Variants in TRA2A observed in about 807,000 individuals in gnomAD.
TRA2A encodes the protein transformer 2 alpha homolog, also known as transformer-2 protein homolog alpha.
A neutral mutation model predicts 45.7 loss-of-function variants in TRA2A; 31 were observed. The observed-to-expected ratio is 0.68, with a 90% CI of 0.51 to 0.92. TRA2A has a LOEUF of 0.92. TRA2A is among the 40% of genes least tolerant of loss of function. The pLI is 0.00. For missense variants in TRA2A, 304 were observed against 367.5 expected, an observed-to-expected ratio of 0.83 and a Z score of 1.41; for synonymous variants, 132 against 126.2, an observed-to-expected ratio of 1.05 and a Z score of -0.31.
intron 5 of TRA2A, 49 bp from the exon 6 acceptor site, chr7:23,506,315 A>G: frequency 6.6e-7 from 1 of 1,514,954 alleles, no homozygotes; most frequent in Non-Finnish European, 8.9e-7. Flanking sequence ...ACTATTTTCC[A>G]GGACACTTTA....
intron 3 of TRA2A, among the ~76,000 whole-genome samples, chr7:23,515,867 C>G (rs143660707): frequency 1.2e-4 from 18 of 150,682 alleles, no homozygotes; most frequent in Non-Finnish European, 2.4e-4. Context: ...TTTACTCAAA[C>G]GTCATGAAAA....
In TRA2A at chr7:23,521,636, T is replaced by C. The variant is rs539950235; in HGVS notation, c.170+71A>G. On this transcript the variant is annotated intron_variant, in intron 2 of 7. Transcript: ENST00000297071. Reference sequence around the variant, plus strand: ...TCTTTCGTGAAATTTCTACACAAAATGCAGCCAACAACTGCTTTGTCCTCA... The same window carrying C: ...TCTTTCGTGAAATTTCTACACAAAACGCAGCCAACAACTGCTTTGTCCTCA... The C allele has an allele frequency of 3.5e-5, 54 of 1,547,234 alleles. 2 individuals carry two copies. In the South Asian group the frequency reaches 5.7e-4, roughly 16 times the overall value.
intron 2 of TRA2A, 32 bp downstream of exon 2, chr7:23,521,675 A>C: frequency 6.2e-7 from 1 of 1,606,188 alleles, no homozygotes; most frequent in Non-Finnish European, 8.5e-7. Flanking sequence ...ACCCCAGAAG[A>C]ATATTTTAAG....
intron 3 of TRA2A, among the ~76,000 whole-genome samples, chr7:23,514,863 C>T (rs1483555782): frequency 1.3e-5 from 2 of 152,148 alleles, no homozygotes; most frequent in South Asian, 4.1e-4. Flanking sequence ...CATGCTCCAC[C>T]ACAGTTTAAG....
At chr7:23,507,641 T>C in intron 4 of TRA2A, 106 bp from the exon 5 acceptor site, 1 of 811,208 alleles carries the variant, frequency 1.2e-6, no homozygotes, top group Non-Finnish European at 2.1e-6. Flanking sequence ...ACTCCTGATT[T>C]TGAAAATGAC....
intron 7 of TRA2A, 32 bp from the exon 8 acceptor site, chr7:23,505,601 A>AAAAAAAAAT: frequency 1.6e-6 from 1 of 607,582 alleles, no homozygotes; most frequent in South Asian, 2.1e-5. Context: ...AAAAAAAAAA[A>AAAAAAAAAT]AAAAAAAGTT....
At chr7:23,505,694 G>C in intron 7 of TRA2A, 52 bp downstream of exon 7, 1 of 1,171,972 alleles carries the variant, frequency 8.5e-7, no homozygotes, top group Admixed American at 2.5e-5. Context: ...TCTAAAGTAA[G>C]CCATTAATTA....
At chr7:23,525,230 C>T (rs1426198244) in intron 1 of TRA2A, among the ~76,000 whole-genome samples, 1 of 152,294 alleles carries the variant, frequency 6.6e-6, no homozygotes, top group East Asian at 1.9e-4. Flanking sequence ...TCTGACTCGT[C>T]TTCATTATGA....
At chr7:23,513,778 T>C (rs1262592789) in intron 3 of TRA2A, among the ~76,000 whole-genome samples, 1 of 152,186 alleles carries the variant, frequency 6.6e-6, no homozygotes, top group African/African-American at 2.4e-5. Flanking sequence ...TCTACCTTAC[T>C]GTTGTGTCTG....
intron 3 of TRA2A, 75 bp from the exon 4 acceptor site, chr7:23,513,157 A>ACT (rs1789702826): frequency 1.9e-6 from 2 of 1,033,226 alleles, no homozygotes; most frequent in South Asian, 3.3e-5. Context: ...CTTTGTTTAG[A>ACT]ACACCTCATC....
At chr7:23,523,123 T>G (rs762446036) in intron 1 of TRA2A, among the ~76,000 whole-genome samples, 5 of 152,208 alleles carry the variant, frequency 3.3e-5, no homozygotes, top group African/African-American at 4.8e-5. Context: ...AATGCTCTAT[T>G]ATCCACGACA....
At chr7:23,523,649 C>T (rs76365198) in intron 1 of TRA2A, among the ~76,000 whole-genome samples, 17,447 of 152,194 alleles carry the variant, frequency 0.11, 1,241 homozygotes, top group East Asian at 0.36. Flanking sequence ...TACCTTTCAG[C>T]TCAATACCAA....
chr7:23,528,194 A>G (rs1790416455), intron 1 of TRA2A, among the ~76,000 whole-genome samples: 1 of 152,130 alleles, frequency 6.6e-6, no homozygotes, highest in Admixed American at 6.5e-5. Context: ...TTTAAGCCCA[A>G]TTTAAAAGTT....
At chr7:23,510,789 A>AT (rs1470331844) in intron 4 of TRA2A, among the ~76,000 whole-genome samples, 4 of 152,214 alleles carry the variant, frequency 2.6e-5, no homozygotes, top group Non-Finnish European at 4.4e-5. Context: ...CTAAATTGAT[A>AT]ACATGTATCT....
At chr7:23,515,867 C>T (rs143660707) in intron 3 of TRA2A, among the ~76,000 whole-genome samples, 1 of 150,810 alleles carries the variant, frequency 6.6e-6, no homozygotes, top group East Asian at 2.0e-4. Context: ...TTTACTCAAA[C>T]GTCATGAAAA....
Position 23,506,056 on chromosome 7 carries a change from A to C in TRA2A, c.770+82T>G, listed in dbSNP as rs1789319986. 6 of 1,244,726 alleles carry C rather than the reference A, an allele frequency of 4.8e-6. No homozygotes were observed. The South Asian group carries it at 8.9e-5, about 18-fold the overall frequency. 77.1% of individuals were successfully genotyped at this position (1,244,726 alleles called of 1,614,324 possible). On this transcript the variant is annotated intron_variant, in intron 6 of 7. Coordinates refer to ENST00000297071, the MANE Select transcript of TRA2A (RefSeq NM_013293.5). ...GATCTATTTTAAAAATCAAGTTTTT[A>C]TTCATATGTATCCAACATAAAAGTG...
At chr7:23,515,261 G>A (rs1300225193) in intron 3 of TRA2A, among the ~76,000 whole-genome samples, 3 of 121,736 alleles carry the variant, frequency 2.5e-5, no homozygotes, top group African/African-American at 6.5e-5. Flanking sequence ...ACGGAGTCTC[G>A]CTCTGTCGCC....
intron 2 of TRA2A, among the ~76,000 whole-genome samples, chr7:23,516,891 C>T (rs115800383): frequency 0.016 from 2,493 of 151,782 alleles, 74 homozygotes; most frequent in African/African-American, 0.057. Context: ...GAGCAGATCG[C>T]GAGATCAAGA....
At chr7:23,520,942 C>G (rs913110310) in intron 2 of TRA2A, among the ~76,000 whole-genome samples, 1 of 152,134 alleles carries the variant, frequency 6.6e-6, no homozygotes, top group Non-Finnish European at 1.5e-5. Flanking sequence ...ATCTACCCAC[C>G]TCGGCTTCCC....
Sources: gnomAD v4.1 joint callset for allele counts (sites outside exome capture counted in the v4.1 genomes callset) on GRCh38, gnomAD v4.1.1 for gene constraint, MANE v1.5 for transcripts, NCBI Gene and HGNC (gene_info 2026-07-23, HGNC 2026-07-21) for gene names.